ZNF148: variants seen among roughly 807,000 people sequenced by gnomAD.
ZNF148 encodes the protein Beta-Enolase Repressor Factor-1.
A neutral mutation model predicts 67.7 loss-of-function variants in ZNF148; 7 were observed. The ratio of observed to expected loss-of-function variants is 0.10; its 90% CI spans 0.06 to 0.19. The LOEUF is 0.19. Ranked by LOEUF, ZNF148 falls within the 10% of genes least tolerant of loss-of-function variation. ZNF148 has a pLI of 1.00. For synonymous variants in ZNF148, 333 were observed against 330.7 expected (o/e 1.01, Z -0.08); for missense variants, 583 against 947.1 (o/e 0.62, Z 5.05).
chr3:125,357,044 AG>A (rs1942366750), intron 1 of ZNF148: 1 of 152,274 alleles, frequency 6.6e-6, no homozygotes. Context: ...AGGAATAAGA[AG>A]AAAAACGGGT....
At position 125,344,393 on chromosome 3, in the gene ZNF148, T is replaced by C. The variant is rs117821075; in HGVS notation, c.-233-13155A>G. The C allele has an allele frequency of 3.9e-3, 2,606 of 661,926 alleles. 49 individuals are homozygous for C. In the East Asian group the frequency reaches 0.05, roughly 13 times the overall value. The allele number at this position is 661,926 out of a possible 1,614,324, so 41.0% of individuals were successfully genotyped here. A position where few individuals can be genotyped will look rare whatever the true frequency, so the allele number is the denominator to read the frequency against. On this transcript the variant is annotated intron_variant, in intron 1 of 8. Coordinates refer to ENST00000360647, the MANE Select transcript of ZNF148 (RefSeq NM_021964.3). ...CCACTGAATGTGGAAAAAATGACTCTGTCCCTTGGCCTCCTCAGGGACCCC... is the reference window on the plus strand; with the variant it reads ...CCACTGAATGTGGAAAAAATGACTCCGTCCCTTGGCCTCCTCAGGGACCCC...
intron 7 of ZNF148, among the ~76,000 whole-genome samples, chr3:125,256,850 T>A (rs529079329): frequency 3.6e-4 from 55 of 152,328 alleles, no homozygotes; most frequent in Admixed American, 3.4e-3. Context: ...TCTGTGATAT[T>A]TCCTACTGAT....
rs574352712 is a variant in ZNF148 at position 125,267,088 on chromosome 3, A to T, written c.667+10638T>A. ...CCAACCAGGAAAGAAAAAAAAAAAA[A>T]AAGCCCTGGACCAGATGGATTCACA... On this transcript the variant is annotated intron_variant, in intron 7 of 8. Transcript: ENST00000360647. Among the ~76,000 whole-genome samples the T allele has an allele frequency of 9.9e-5, 15 of 151,856 alleles. No individual in the cohort carries two copies. In the South Asian group the frequency reaches 1.0e-3, roughly 11 times the overall value.
chr3:125,290,300 C>T (rs927396988), intron 4 of ZNF148, among the ~76,000 whole-genome samples: 2 of 152,090 alleles, frequency 1.3e-5, no homozygotes, highest in Non-Finnish European at 2.9e-5. Context: ...CTCCCTATGC[C>T]GGTTCTTTCT....
intron 1 of ZNF148, among the ~76,000 whole-genome samples, chr3:125,370,424 G>T (rs189693788): frequency 1.4e-4 from 21 of 152,244 alleles, no homozygotes; most frequent in Admixed American, 1.0e-3. Flanking sequence ...CATTCAACAG[G>T]TATTTATTAA....
chr3:125,232,195 A>G lies in ZNF148; in HGVS notation c.*146T>C. On this transcript the variant is annotated 3_prime_UTR_variant, in exon 9 of 9. Transcript: ENST00000360647. This position sits in a 1 kb window ranked among gnomAD's most constrained non-coding sequence, Gnocchi z 4.2. ...CTGACTAACCAAACGAAATGCAGTTATTGGATTATCTTGCTATTCATATCA... is the reference window on the plus strand; with the variant it reads ...CTGACTAACCAAACGAAATGCAGTTGTTGGATTATCTTGCTATTCATATCA... 1.0e-6 allele frequency: 1 copy of G among 969,960 alleles called. No homozygotes were observed. The allele number at this position is 969,960 out of a possible 1,614,324, so 60.1% of individuals were successfully genotyped here. A position where few individuals can be genotyped will look rare whatever the true frequency, so the allele number is the denominator to read the frequency against.
chr3:125,361,986 C>G (rs1195534683), intron 1 of ZNF148, among the ~76,000 whole-genome samples: 1 of 152,188 alleles, frequency 6.6e-6, no homozygotes, highest in Non-Finnish European at 1.5e-5. Context: ...ACCTGTCCAA[C>G]AGCCATTTTA....
At chr3:125,312,608 G>A (rs1433937663) in intron 4 of ZNF148, among the ~76,000 whole-genome samples, 3 of 152,096 alleles carry the variant, frequency 2.0e-5, no homozygotes, top group African/African-American at 7.2e-5. Flanking sequence ...GTATGACTGA[G>A]GGTAATATCT....
chr3:125,230,628 CATTA>C lies in ZNF148; in HGVS notation c.*1709_*1712del, dbSNP rs770692942. ...CTTTATGAGAACAGTCTTGGGATAA[CATTA>C]AATAAAAGAAAAAATAATTTAAATG... On this transcript the variant is annotated 3_prime_UTR_variant, in exon 9 of 9. Coordinates refer to ENST00000360647, the MANE Select transcript of ZNF148 (RefSeq NM_021964.3). 1 of 152,204 alleles carries C rather than the reference CATTA, an allele frequency of 6.6e-6. No homozygotes were observed. The highest frequency in any genetic ancestry group is 2.4e-5 in the African/African-American group (1 of 41,346). The allele number at this position is 152,204 out of a possible 1,614,324, so 9.4% of individuals were successfully genotyped here. A position where few individuals can be genotyped will look rare whatever the true frequency, so the allele number is the denominator to read the frequency against.
At chr3:125,311,429 T>C (rs1034808605) in intron 4 of ZNF148, 1 of 152,232 alleles carries the variant, frequency 6.6e-6, no homozygotes, top group Admixed American at 6.5e-5. Context: ...AGCATTTTGG[T>C]AAAACTTCTG....
intron 7 of ZNF148, among the ~76,000 whole-genome samples, chr3:125,271,949 GATT>G (rs920284187): frequency 7.9e-5 from 12 of 152,196 alleles, no homozygotes; most frequent in African/African-American, 2.9e-4. Flanking sequence ...TTTCTGAATC[GATT>G]ATCTGAGTAT....
chr3:125,324,411 C>CCA (rs1310080369), intron 2 of ZNF148, among the ~76,000 whole-genome samples: 6 of 152,090 alleles, frequency 3.9e-5, no homozygotes, highest in Non-Finnish European at 8.8e-5. Flanking sequence ...AGCAAGATTA[C>CCA]CAGTGACAGA....
intron 2 of ZNF148, among the ~76,000 whole-genome samples, chr3:125,326,508 G>T (rs1373498493): frequency 6.6e-6 from 1 of 151,008 alleles, no homozygotes; most frequent in Non-Finnish European, 1.5e-5. Flanking sequence ...AATCAATGGA[G>T]TAATTAAAAT....
rs367748159 is a variant in ZNF148 at position 125,313,486 on chromosome 3, A to G, written c.155T>C (p.Met52Thr). 6.2e-7 allele frequency: 1 copy of G among 1,614,032 alleles called. No individual in the cohort carries two copies. Among genetic ancestry groups the G allele is most frequent in the African/African-American group, 1.3e-5 (1 of 74,920 alleles). Residue 52 changes from methionine to threonine, a missense_variant, in exon 4 of 9, where the codon ATG becomes ACG. Transcript: ENST00000360647. ...LQDSVLQDRS[M>T]PHQEILAADE... ...TGCAGCAAGGATCTCCTGGTGAGGC[A>G]TACTTCGATCTTGAAGTACTGAATC... is the stretch of plus-strand genomic sequence containing the variant.
chr3:125,374,349 T>C (rs1018824804), intron 1 of ZNF148, among the ~76,000 whole-genome samples: 1 of 152,208 alleles, frequency 6.6e-6, no homozygotes, highest in Non-Finnish European at 1.5e-5. Context: ...TATTCTATTA[T>C]GCATTCCCTG....
At chr3:125,314,999 C>T in intron 3 of ZNF148, 1 of 152,434 alleles carries the variant, frequency 6.6e-6, no homozygotes. Context: ...GATGTTGGGG[C>T]TGCAGTGAGC....
At chr3:125,301,440 T>C (rs1453573572) in intron 4 of ZNF148, among the ~76,000 whole-genome samples, 2 of 152,168 alleles carry the variant, frequency 1.3e-5, no homozygotes, top group Admixed American at 1.3e-4. Context: ...ATCCTGAAAA[T>C]TGGCAGTTAT....
chr3:125,345,712 T>G (rs9857500), intron 1 of ZNF148, among the ~76,000 whole-genome samples: 12,507 of 152,112 alleles, frequency 0.082, 613 homozygotes, highest in Non-Finnish European at 0.099. Flanking sequence ...TTTTATGCTC[T>G]TAAATTTGAC....
chr3:125,296,853 TA>T (rs1169998441), intron 4 of ZNF148, among the ~76,000 whole-genome samples: 1 of 151,958 alleles, frequency 6.6e-6, no homozygotes, highest in Non-Finnish European at 1.5e-5. Context: ...GGTAAAGTAA[TA>T]AATATAAATA....
Sources: gnomAD v4.1 joint callset for allele counts (sites outside exome capture counted in the v4.1 genomes callset) on GRCh38, gnomAD v4.1.1 for gene constraint, Gnocchi (gnomAD v3.1) non-coding constraint, MANE v1.5 for transcripts, NCBI Gene and HGNC (gene_info 2026-07-23, HGNC 2026-07-21) for gene names.